ACTR6: variants seen among roughly 807,000 people sequenced by gnomAD.
ACTR6 encodes actin related protein 6, also known as actin-related protein 6.
Under a neutral mutation model 52.5 loss-of-function variants are expected in ACTR6, and 50 were observed. That is an observed-to-expected ratio of 0.95 (90% CI 0.76 to 1.20). The LOEUF (loss-of-function observed/expected upper bound fraction) is 1.20, where lower values mean the gene tolerates loss of function less well. ACTR6 is among the 50% of genes most tolerant of loss of function. The pLI is 0.00. For synonymous variants in ACTR6, 135 were observed against 147.2 expected (o/e 0.92, Z 0.60); for missense variants, 344 against 472.4 (o/e 0.73, Z 2.52).
intron 9 of ACTR6, among the ~76,000 whole-genome samples, chr12:100,219,465 C>G (rs756834726): frequency 6.6e-6 from 1 of 152,112 alleles, no homozygotes; most frequent in Non-Finnish European, 1.5e-5. Context: ...AGTGTTCATA[C>G]TTAGATCCCT....
chr12:100,212,171 A>T, intron 6 of ACTR6, 85 bp from the exon 7 acceptor site: 1 of 983,032 alleles, frequency 1.0e-6, no homozygotes, highest in East Asian at 2.6e-5. Context: ...TTACCTGAAA[A>T]TTTAATTCCA....
intron 1 of ACTR6, among the ~76,000 whole-genome samples, chr12:100,204,735 GC>G (rs1285551246): frequency 6.6e-6 from 1 of 152,090 alleles, no homozygotes; most frequent in Non-Finnish European, 1.5e-5. Flanking sequence ...CTGGTCTCAA[GC>G]AATCATCCTG....
chr12:100,211,707 C>T (rs1259379638), intron 6 of ACTR6, among the ~76,000 whole-genome samples: 1 of 152,018 alleles, frequency 6.6e-6, no homozygotes, highest in East Asian at 1.9e-4. Flanking sequence ...ATACATTTAG[C>T]CATTTTTTCA....
At chr12:100,203,623 C>T (rs980081290) in intron 1 of ACTR6, 1 of 148,110 alleles carries the variant, frequency 6.8e-6, no homozygotes, top group African/African-American at 2.5e-5. Flanking sequence ...ATTTTTATGG[C>T]CATAATTTTT....
chr12:100,216,383 C>T (rs1448278866), intron 8 of ACTR6, among the ~76,000 whole-genome samples: 1 of 152,216 alleles, frequency 6.6e-6, no homozygotes, highest in East Asian at 1.9e-4. Context: ...CCCAGGCTAG[C>T]CTCAACTCCT....
chr12:100,219,851 C>T (rs1194540678), intron 9 of ACTR6, among the ~76,000 whole-genome samples, 157 bp from the exon 10 acceptor site: 1 of 152,150 alleles, frequency 6.6e-6, no homozygotes, highest in Non-Finnish European at 1.5e-5. Context: ...AACCTCATTA[C>T]AAATCTTAGA....
chr12:100,200,984 A>G lies in ACTR6; in HGVS notation c.68+65A>G, dbSNP rs191467933. ...CTAGTGGTTTCATGTGCTACGTTTC[A>G]TCTCCGGACATCAATGAACTGCAGA... On this transcript the variant is annotated intron_variant, in intron 1 of 10. Coordinates refer to ENST00000188312, the MANE Select transcript of ACTR6 (RefSeq NM_022496.5). 3.4e-4 allele frequency: 545 copies of G among 1,611,598 alleles called. 2 individuals carry two copies. Among genetic ancestry groups the G allele is most frequent in the Admixed American group, 2.9e-3 (173 of 59,882 alleles).
intron 8 of ACTR6, among the ~76,000 whole-genome samples, chr12:100,212,962 ACACTATTG>A (rs2096121032): frequency 6.8e-6 from 1 of 147,830 alleles, no homozygotes; most frequent in Non-Finnish European, 1.5e-5. Context: ...AGCTGAGATC[ACACTATTG>A]CACTCCAGCC....
At chr12:100,220,660 GA>G (rs2096127424) in intron 10 of ACTR6, among the ~76,000 whole-genome samples, 1 of 151,960 alleles carries the variant, frequency 6.6e-6, no homozygotes, top group African/African-American at 2.4e-5. Flanking sequence ...TGTTATATGA[GA>G]AAAAGTGCAT....
chr12:100,205,697 G>T lies in ACTR6; in HGVS notation c.208G>T (p.Val70Phe). ...FQKGYLVNWD[V>F]QRQVWDYLFG... ...TTAGGGCTACTTGGTGAATTGGGAT[G>T]TTCAGAGACAAGTTTGGGATTACCT... The change falls in exon 3 of 11, where the codon GTT becomes TTT. Residue 70 changes from valine (V) to phenylalanine (F), a missense_variant. Val to Phe is a conservative substitution (Grantham distance 50, BLOSUM62 -1). Coordinates refer to ENST00000188312, the MANE Select transcript of ACTR6 (RefSeq NM_022496.5). The T allele has an allele frequency of 6.6e-7, 1 of 1,521,754 alleles. No homozygotes were observed. The highest frequency in any genetic ancestry group is 8.8e-7 in the Non-Finnish European group (1 of 1,136,854). 94.3% of individuals were successfully genotyped at this position (1,521,754 alleles called of 1,614,324 possible).
At chr12:100,221,201 C>T (rs1339153317) in intron 10 of ACTR6, among the ~76,000 whole-genome samples, 2 of 152,062 alleles carry the variant, frequency 1.3e-5, no homozygotes, top group Non-Finnish European at 2.9e-5. Flanking sequence ...GGACTTCTTA[C>T]CCAAAGTATA....
chr12:100,201,926 A>C (rs560327348), intron 1 of ACTR6, among the ~76,000 whole-genome samples: 9 of 149,806 alleles, frequency 6.0e-5, no homozygotes, highest in African/African-American at 2.3e-4. Context: ...CCAGCTGACA[A>C]AGCAATTTTT....
chr12:100,202,713 C>T (rs575660446), intron 1 of ACTR6, among the ~76,000 whole-genome samples: 1 of 152,030 alleles, frequency 6.6e-6, no homozygotes, highest in Non-Finnish European at 1.5e-5. Flanking sequence ...AAAAATTAGC[C>T]GGGCGTAGTG....
rs542386952 is a variant in ACTR6, at chr12:100,218,207, G to A, written c.751-208G>A. The stretch of plus-strand genomic sequence containing the variant: ...TCTTTGAAGGAACAGCCATATTAGC[G>A]TCAGTAATTATTTAGTTGTGTTTTG... On this transcript the variant is annotated intron_variant, in intron 8 of 10. Coordinates refer to ENST00000188312, the MANE Select transcript of ACTR6 (RefSeq NM_022496.5). This position sits in a 1 kb window ranked among gnomAD's most constrained non-coding sequence, Gnocchi z 4.2. 2.9e-4 allele frequency among the ~76,000 whole-genome samples: 44 copies of A among 152,134 alleles called. No homozygotes were observed. The highest frequency in any genetic ancestry group is 5.1e-4 in the African/African-American group (21 of 41,500).
At position 100,200,839 on chromosome 12, in the gene ACTR6, G is replaced by T; in HGVS notation, c.-13G>T. 1 of 1,613,928 alleles carries T rather than the reference G, an allele frequency of 6.2e-7. No individual in the cohort carries two copies. The highest frequency in any genetic ancestry group is 8.5e-7 in the Non-Finnish European group (1 of 1,179,828). On this transcript the variant is annotated 5_prime_UTR_variant, in exon 1 of 11. Transcript: ENST00000188312. ...GGGAAAACAACTACGGCTGCGGTGT[G>T]GTTGGTGGTGAGATGACGACCTTAG...
chr12:100,207,520 C>T (rs2096115840), intron 3 of ACTR6, 143 bp from the exon 4 acceptor site: 2 of 711,608 alleles, frequency 2.8e-6, no homozygotes, highest in East Asian at 3.9e-5. Context: ...TTTTCTGTGC[C>T]TCAGTTTGCT....
At position 100,213,006 on chromosome 12, in the gene ACTR6, CAAA is replaced by C. The variant is rs60253803; in HGVS notation, c.750+498_750+500del. ...TGGGCAACACAGCGAGACTCTGTCTCAAAAAAAAAAAAAAAAAAAAAAGAATTT... is the reference window on the plus strand; with the variant it reads ...TGGGCAACACAGCGAGACTCTGTCTCAAAAAAAAAAAAAAAAAAAGAATTT... On this transcript the variant is annotated intron_variant, in intron 8 of 10. Coordinates refer to ENST00000188312, the MANE Select transcript of ACTR6 (RefSeq NM_022496.5). Among the ~76,000 whole-genome samples the C allele has an allele frequency of 8.9e-3, 594 of 66,718 alleles. 2 individuals are homozygous for C. The highest frequency in any genetic ancestry group is 0.015 in the Non-Finnish European group (477 of 31,240). The allele number at this position is 66,718 out of a possible 152,430, so 43.8% of individuals were successfully genotyped here.
chr12:100,203,241 C>T (rs2096111372), intron 1 of ACTR6, among the ~76,000 whole-genome samples: 1 of 152,148 alleles, frequency 6.6e-6, no homozygotes, highest in East Asian at 1.9e-4. Flanking sequence ...ACAAGCCCTG[C>T]GGTTGGGGAT....
At chr12:100,201,121 C>A (rs2096109322) in intron 1 of ACTR6, 2 of 1,350,236 alleles carry the variant, frequency 1.5e-6, no homozygotes, top group Non-Finnish European at 1.9e-6. Context: ...GGCTGCGAGG[C>A]CCCGGAAGTG....
Sources: allele counts gnomAD v4.1 joint callset (sites outside exome capture counted in the v4.1 genomes callset), GRCh38; gene constraint gnomAD v4.1.1; non-coding constraint Gnocchi (gnomAD v3.1); transcripts MANE v1.5; gene names NCBI Gene and HGNC (gene_info 2026-07-23, HGNC 2026-07-21).